Variants in MOCS1 observed in about 807,000 individuals in gnomAD.
The protein encoded by MOCS1 is molybdenum cofactor synthesis 1.
Under a neutral mutation model 57.6 loss-of-function variants are expected in MOCS1, and 39 were observed. That is an observed-to-expected ratio of 0.68 (90% CI 0.52 to 0.88). The LOEUF is 0.88. Among genes scored for constraint, MOCS1 ranks in the 40% least tolerant of loss-of-function variants. The pLI is 0.00. For missense variants in MOCS1, 795 were observed against 831.1 expected (o/e 0.96, Z 0.53); for synonymous variants, 334 against 335.7 (o/e 1.00, Z 0.05).
chr6:39,915,265 A>G (rs1364359459), intron 4 of MOCS1, among the ~76,000 whole-genome samples: 1 of 151,694 alleles, frequency 6.6e-6, no homozygotes, highest in East Asian at 1.9e-4. Flanking sequence ...CAGCACATGG[A>G]GGGTATTAAG....
At chr6:39,912,218 G>C in intron 8 of MOCS1, 46 bp downstream of exon 8, 1 of 1,400,776 alleles carries the variant, frequency 7.1e-7, no homozygotes, top group South Asian at 1.2e-5. Context: ...GGAGACATGA[G>C]AACACAGAGG....
At chr6:39,926,620 C>T (rs1008900616) in intron 2 of MOCS1, among the ~76,000 whole-genome samples, 4 of 145,646 alleles carry the variant, frequency 2.7e-5, no homozygotes, top group African/African-American at 7.7e-5. Context: ...GCATATAGTA[C>T]ATCTTGTTTG....
chr6:39,916,011 C>T, intron 4 of MOCS1, 57 bp downstream of exon 4: 1 of 1,550,812 alleles, frequency 6.4e-7, no homozygotes, highest in Non-Finnish European at 8.7e-7. Flanking sequence ...TGGCCATGCC[C>T]TCCCCAGCTA....
Position 39,916,078 on chromosome 6 carries a change from G to C in MOCS1, c.573C>G (p.Val191=), listed in dbSNP as rs1302345456. The part of the protein sequence containing the change: ...TLVPAKFEFI[V]RRKGFHKVME... The stretch of plus-strand genomic sequence containing the variant: ...TCCACATCCGCTCACCTTTCCTGCG[G>C]ACAATGAACTCAAACTTGGCAGGCA... Residue 191 remains valine, a synonymous_variant, in exon 4 of 11, where the codon GTC becomes GTG. Coordinates refer to ENST00000340692, the MANE Select transcript of MOCS1 (RefSeq NM_001358530.2). The C allele has an allele frequency of 6.2e-7, 1 of 1,609,698 alleles. No homozygotes were observed. Among genetic ancestry groups the C allele is most frequent in the East Asian group, 2.2e-5 (1 of 44,772 alleles).
In MOCS1 at chr6:39,905,081, T is replaced by G. The variant is rs1373691480; in HGVS notation, c.*1276A>C. On this transcript the variant is annotated 3_prime_UTR_variant, in exon 11 of 11. Transcript: ENST00000340692. ...TTTCCAGAGAGCTGGTTGTTTAATA[T>G]TTGCCAGCACACCTTGGCATAGGGC... 2.2e-6 allele frequency: 1 copy of G among 454,310 alleles called. No homozygotes were observed. The highest frequency in any genetic ancestry group is 2.3e-5 in the Admixed American group (1 of 42,568). 28.1% of individuals were successfully genotyped at this position (454,310 alleles called of 1,614,324 possible).
intron 3 of MOCS1, among the ~76,000 whole-genome samples, chr6:39,921,811 T>C (rs2984441): frequency 0.33 from 50,920 of 152,078 alleles, 10,054 homozygotes; most frequent in Non-Finnish European, 0.45. Flanking sequence ...CAGGGGTACA[T>C]GTGCAGGTTT....
chr6:39,912,600 C>A (rs1250045690), intron 7 of MOCS1, among the ~76,000 whole-genome samples: 1 of 152,196 alleles, frequency 6.6e-6, no homozygotes, highest in Non-Finnish European at 1.5e-5. Context: ...AAGGCAGGGA[C>A]CTGTGGGCAG....
rs766904353 is a variant in MOCS1, at chr6:39,927,423, C to G, written c.156G>C (p.Glu52Asp). ...EVSRRRQFLR[E>D]HAAPFSAFLT... The stretch of plus-strand genomic sequence containing the variant: ...GGAAGGCGGAGAAGGGGGCCGCATG[C>G]TCCCGCAGGAACTGCCTCCGCCTGG... The change falls in exon 2 of 11, where the codon GAG becomes GAC. Residue 52 changes from glutamate to aspartate, a missense_variant. Physicochemically the swap from Glu to Asp is conservative, Grantham distance 45. Coordinates refer to ENST00000340692, the MANE Select transcript of MOCS1 (RefSeq NM_001358530.2). The G allele has an allele frequency of 9.3e-6, 15 of 1,612,334 alleles. No individual in the cohort carries two copies. The highest frequency in any genetic ancestry group is 1.3e-5 in the African/African-American group (1 of 74,914).
rs369986858 is a variant in MOCS1, at chr6:39,906,445, C to T, written c.1823G>A (p.Cys608Tyr). ...AVAALTLYDM[C>Y]KAVSRDIVLE... is the part of the protein sequence containing the mutation. ...CACGATGTCCCTGCTGACAGCCTTG[C>T]ACATGTCATACAGGGTGAGGGCGGC... is the stretch of plus-strand genomic sequence containing the variant. Residue 608 changes from cysteine to tyrosine, a missense_variant, in exon 11 of 11, where the codon TGC (cysteine) becomes TAC (tyrosine). Physicochemically the swap from Cys to Tyr is radical, Grantham distance 194 (BLOSUM62 -2). This residue lies in a region of MOCS1 where 374 missense variants were observed against 422.6 expected (regional missense o/e 0.89). Transcript: ENST00000340692. The T allele has an allele frequency of 3.5e-5, 56 of 1,611,052 alleles. No homozygotes were observed. The highest frequency in any genetic ancestry group is 4.4e-5 in the Non-Finnish European group (52 of 1,177,626).
intron 3 of MOCS1, among the ~76,000 whole-genome samples, chr6:39,919,239 C>T (rs1458944621): frequency 1.3e-5 from 2 of 152,146 alleles, no homozygotes; most frequent in Non-Finnish European, 2.9e-5. Context: ...AATCCCAGAA[C>T]TTTGGGAGGC....
chr6:39,934,313 G>A lies in MOCS1; in HGVS notation c.105C>T (p.Ser35=), dbSNP rs757972970. The A allele has an allele frequency of 5.2e-6, 8 of 1,546,390 alleles. 1 individual carries two copies. The South Asian group carries it at 8.3e-5, about 16-fold the overall frequency. ...APVTQPCPGE[S]ARAASEEVSR... is the part of the protein sequence containing the mutation. ...GGCTCACCTCCGAGGCAGCTCGCGC[G>A]GACTCCCCGGGGCAGGGCTGGGTCA... Residue 35 remains serine, a synonymous_variant, in exon 1 of 11, where the codon TCC becomes TCT. Transcript: ENST00000340692.
intron 3 of MOCS1, among the ~76,000 whole-genome samples, chr6:39,918,101 C>T (rs1309355568): frequency 1.3e-5 from 2 of 152,154 alleles, no homozygotes; most frequent in Non-Finnish European, 1.5e-5. Flanking sequence ...ATAACAAACA[C>T]GTTTTCTTTG....
rs1379784508 is a variant in MOCS1 at position 39,906,981 on chromosome 6, G to A, written c.1287C>T (p.Val429=). 1 of 1,614,074 alleles carries A rather than the reference G, an allele frequency of 6.2e-7. No homozygotes were observed. Among genetic ancestry groups the A allele is most frequent in the East Asian group, 2.2e-5 (1 of 44,862 alleles). The change falls in exon 11 of 11, where the codon GTC becomes GTT. Residue 429 remains valine, a synonymous_variant. Transcript: ENST00000340692. ...QVATLWKGCR[V]PQTPPLAQQR... ...GCTGGGCTAGAGGAGGGGTCTGGGGGACCCTGCATCCTTTCCATAAAGTGG... is the reference window on the plus strand; with the variant it reads ...GCTGGGCTAGAGGAGGGGTCTGGGGAACCCTGCATCCTTTCCATAAAGTGG...
intron 3 of MOCS1, among the ~76,000 whole-genome samples, chr6:39,918,317 T>C (rs913776398): frequency 2.6e-5 from 4 of 152,178 alleles, no homozygotes; most frequent in Admixed American, 2.6e-4. Flanking sequence ...AGCCAAATAT[T>C]AGAAAAGGCA....
intron 1 of MOCS1, among the ~76,000 whole-genome samples, chr6:39,933,211 T>C (rs1768728496): frequency 6.6e-6 from 1 of 152,128 alleles, no homozygotes; most frequent in Admixed American, 6.5e-5. Flanking sequence ...GGTTCTCTCA[T>C]GAAAGACCAG....
rs1447574839 is a variant in MOCS1 at position 39,919,039 on chromosome 6, G to C, written c.419-2807C>G. 3.3e-5 allele frequency among the ~76,000 whole-genome samples: 5 copies of C among 152,164 alleles called. No homozygotes were observed. The East Asian group carries it at 9.6e-4, about 29-fold the overall frequency. On this transcript the variant is annotated intron_variant, in intron 3 of 10. Coordinates refer to ENST00000340692, the MANE Select transcript of MOCS1 (RefSeq NM_001358530.2). ...AGTTGTTGTGAAATGGTATGAGTTA[G>C]GGGATGAATATGGGCAAAGAATGCG...
intron 5 of MOCS1, 168 bp from the exon 6 acceptor site, chr6:39,913,596 C>T (rs1236215021): frequency 1.4e-5 from 14 of 970,138 alleles, no homozygotes; most frequent in African/African-American, 4.8e-5. Context: ...CTGATTTTCT[C>T]GTTTCTCTCA....
intron 8 of MOCS1, 143 bp downstream of exon 8, chr6:39,912,121 C>T: frequency 2.8e-6 from 2 of 706,686 alleles, no homozygotes; most frequent in South Asian, 1.5e-5. Context: ...TCCCATCATG[C>T]CCCCAAACCT....
intron 5 of MOCS1, 101 bp from the exon 6 acceptor site, chr6:39,913,529 G>T (rs185723914): frequency 7.5e-6 from 8 of 1,072,122 alleles, no homozygotes; most frequent in Non-Finnish European, 1.1e-5. Flanking sequence ...TCCACTCAGG[G>T]ACCCATTCCT....
Sources: allele counts gnomAD v4.1 joint callset (sites outside exome capture counted in the v4.1 genomes callset), GRCh38; gene constraint gnomAD v4.1.1; regional missense constraint gnomAD v4.1.1; transcripts MANE v1.5; gene names NCBI Gene and HGNC (gene_info 2026-07-23, HGNC 2026-07-21).